The following DCAF4 variants were observed in gnomAD, a reference collection of about 807,000 sequenced individuals.
DCAF4 encodes the protein DDB1- and CUL4-associated factor 4.
A neutral mutation model predicts 60.9 loss-of-function variants in DCAF4; 37 were observed. The ratio of observed to expected loss-of-function variants is 0.61; its 90% confidence interval spans 0.47 to 0.80. DCAF4 has a LOEUF of 0.80. Among genes scored for constraint, DCAF4 ranks in the 30% least tolerant of loss-of-function variants. The pLI, the probability that DCAF4 is intolerant of heterozygous loss-of-function variation, is 0.00. For missense variants in DCAF4, 577 were observed against 650.0 expected (o/e 0.89, Z 1.22); for synonymous variants, 243 against 254.8 (o/e 0.95, Z 0.44).
chr14:72,943,079 C>T lies in DCAF4; in HGVS notation c.517C>T (p.Arg173Ter). The T allele has an allele frequency of 6.8e-6, 11 of 1,614,140 alleles. No individual in the cohort carries two copies. Among genetic ancestry groups the T allele is most frequent in the Non-Finnish European group, 9.3e-6 (11 of 1,180,006 alleles). The change falls in exon 6 of 14, where the codon CGA becomes TGA. Residue 173 changes from arginine (R) to a stop codon, truncating the protein, a stop_gained. Coordinates refer to ENST00000358377, the MANE Select transcript of DCAF4 (RefSeq NM_015604.4). LOFTEE classifies it high-confidence loss of function. Reference protein sequence around the residue: ...SMDPSALASDRFNLILADTNS... With the variant: ...SMDPSALASD Reference sequence around the variant, plus strand: ...GGATCCCTCCGCCTTGGCAAGCGACCGATTTAACCTCATACTGGTGAGTGG... The same window carrying T: ...GGATCCCTCCGCCTTGGCAAGCGACTGATTTAACCTCATACTGGTGAGTGG...
chr14:72,961,675 C>T (rs140196877), downstream of DCAF4, among the ~76,000 whole-genome samples: 470 of 152,322 alleles, frequency 3.1e-3, 2 homozygotes, highest in African/African-American at 0.011. Flanking sequence ...TCAACCTCAC[C>T]AGCCCTTGGC....
chr14:72,937,153 A>G (rs1345890439), intron 1 of DCAF4, among the ~76,000 whole-genome samples: 1 of 152,208 alleles, frequency 6.6e-6, no homozygotes, highest in African/African-American at 2.4e-5. Context: ...GAAATGGAAC[A>G]CTTACAAATG....
At chr14:72,951,960 C>T in intron 9 of DCAF4, 83 bp downstream of exon 9, 1 of 1,434,002 alleles carries the variant, frequency 7.0e-7, no homozygotes, top group Non-Finnish European at 9.8e-7. Context: ...AAGTATGGGG[C>T]CGCTGCAGAG....
In DCAF4 at chr14:72,955,608, C is replaced by T; in HGVS notation, c.1091C>T (p.Ala364Val). ...RCGNQGKGWK[A>V]TRLFHDSAVT... ...GGAAATCAAGGCAAGGGATGGAAGG[C>T]CACCCGCCTGTTTCATGATTCAGCA... Residue 364 changes from alanine (A) to valine (V), a missense_variant, in exon 12 of 14, where the codon GCC becomes GTC. Ala to Val is a moderately conservative substitution (Grantham distance 64, BLOSUM62 0). Coordinates refer to ENST00000358377, the MANE Select transcript of DCAF4 (RefSeq NM_015604.4). 2 of 1,614,174 alleles carry T rather than the reference C, an allele frequency of 1.2e-6. No homozygotes were observed. The highest frequency in any genetic ancestry group is 1.7e-6 in the Non-Finnish European group (2 of 1,180,010).
intron 2 of DCAF4, among the ~76,000 whole-genome samples, 173 bp from the exon 3 acceptor site, chr14:72,939,629 C>A (rs1889753990): frequency 6.6e-6 from 1 of 152,186 alleles, no homozygotes; most frequent in Non-Finnish European, 1.5e-5. Flanking sequence ...AAAACCAAAA[C>A]CTTGCCCTAT....
Position 72,929,707 on chromosome 14 carries a change from T to C in DCAF4, c.-9+3164T>C, listed in dbSNP as rs941373832. 17 of 1,268,612 alleles carry C rather than the reference T, an allele frequency of 1.3e-5. No homozygotes were observed. In the Admixed American group the frequency reaches 1.7e-4, roughly 13 times the overall value. 78.6% of individuals were successfully genotyped at this position (1,268,612 alleles called of 1,614,324 possible). ...GCACGGATGTGCGTCCCCACCCTTT[T>C]CTTGATGAACTTGAGGGCCCATTTC... On this transcript the variant is annotated intron_variant, in intron 1 of 13. Coordinates refer to ENST00000358377, the MANE Select transcript of DCAF4 (RefSeq NM_015604.4).
At position 72,947,904 on chromosome 14, in the gene DCAF4, G is replaced by C. The variant is rs116658044; in HGVS notation, c.728+713G>C. ...TGGTCCCTGGCCTCTGGGACCCTTG[G>C]GGGCTGTTGATATGGCACAAGACTT... On this transcript the variant is annotated intron_variant, in intron 8 of 13. Transcript: ENST00000358377. Among the ~76,000 whole-genome samples the C allele has an allele frequency of 7.6e-3, 1,161 of 152,270 alleles. 14 individuals carry two copies. The highest frequency in any genetic ancestry group is 0.027 in the African/African-American group (1,102 of 41,546).
chr14:72,940,467 CT>C (rs1352436730), intron 4 of DCAF4, 90 bp downstream of exon 4: 107 of 1,382,690 alleles, frequency 7.7e-5, no homozygotes, highest in Admixed American at 5.8e-5. Flanking sequence ...TTAGATGCCC[CT>C]GCGACACTTA....
downstream of DCAF4, among the ~76,000 whole-genome samples, chr14:72,960,154 CA>C (rs1343202705): frequency 1.6e-5 from 2 of 127,182 alleles, no homozygotes; most frequent in African/African-American, 5.4e-5. Flanking sequence ...TATAAAGAAC[CA>C]AATTTTTTTT....
intron 6 of DCAF4, among the ~76,000 whole-genome samples, chr14:72,945,463 T>G (rs76201553): frequency 0.052 from 7,431 of 143,242 alleles, 271 homozygotes; most frequent in East Asian, 0.19. Flanking sequence ...GCAATTTTTT[T>G]TTCATGGTGG....
chr14:72,927,443 C>G (rs1485911723), intron 1 of DCAF4, among the ~76,000 whole-genome samples: 1 of 150,704 alleles, frequency 6.6e-6, no homozygotes, highest in Non-Finnish European at 1.5e-5. Context: ...CCTCCGCCCC[C>G]GGGGTTCACG....
At position 72,956,400 on chromosome 14, in the gene DCAF4, C is replaced by A; in HGVS notation, c.1194C>A (p.Asp398Glu). ...TTTTTCCACAGATCAAGCTGTGGGA[C>A]CTGAGGACCACGAAGTGCGTAAGGC... ...SDMAGKIKLW[D>E]LRTTKCVRQY... The change falls in exon 13 of 14, where the codon GAC becomes GAA. Residue 398 changes from aspartate (D) to glutamate (E), a missense_variant. Transcript: ENST00000358377. The A allele has an allele frequency of 6.2e-7, 1 of 1,609,664 alleles. No individual in the cohort carries two copies. Among genetic ancestry groups the A allele is most frequent in the Non-Finnish European group, 8.5e-7 (1 of 1,177,722 alleles).
rs181020061 is a variant in DCAF4 at position 72,936,840 on chromosome 14, A to G, written c.-8-1131A>G. ...TCTAGGACAGAACAATGGAAAGCAC[A>G]TACAGGGTGTGTGACCCAGGAGAAA... On this transcript the variant is annotated intron_variant, in intron 1 of 13. Coordinates refer to ENST00000358377, the MANE Select transcript of DCAF4 (RefSeq NM_015604.4). 2.6e-5 allele frequency among the ~76,000 whole-genome samples: 4 copies of G among 152,362 alleles called. No homozygotes were observed. In the East Asian group the frequency reaches 5.8e-4, roughly 22 times the overall value.
At chr14:72,929,695 TC>T in intron 1 of DCAF4, 1 of 1,295,754 alleles carries the variant, frequency 7.7e-7, no homozygotes, top group Non-Finnish European at 1.1e-6. Context: ...CGGATGTGCG[TC>T]CCCACCCTTT....
chr14:72,939,476 G>A (rs911938909), intron 2 of DCAF4, among the ~76,000 whole-genome samples: 6 of 152,192 alleles, frequency 3.9e-5, no homozygotes, highest in Admixed American at 1.3e-4. Context: ...AGCCCAGCTG[G>A]TAAAATTCTT....
chr14:72,954,851 G>A (rs1892060495), intron 11 of DCAF4, among the ~76,000 whole-genome samples: 1 of 152,118 alleles, frequency 6.6e-6, no homozygotes. Context: ...AGTGGCTAAT[G>A]AATGGCTGTA....
intron 1 of DCAF4, among the ~76,000 whole-genome samples, chr14:72,936,053 G>A (rs1006188918): frequency 6.6e-6 from 1 of 152,134 alleles, no homozygotes; most frequent in African/African-American, 2.4e-5. Flanking sequence ...TCCCAAAAGT[G>A]CTGGGATTAC....
intron 1 of DCAF4, among the ~76,000 whole-genome samples, chr14:72,927,334 G>C (rs1416590070): frequency 7.0e-6 from 1 of 142,638 alleles, no homozygotes; most frequent in Non-Finnish European, 1.5e-5. Context: ...TTAGAGTCGC[G>C]GTGGTGTTCT....
intron 1 of DCAF4, among the ~76,000 whole-genome samples, chr14:72,936,225 C>G (rs12892806): frequency 0.44 from 67,592 of 152,078 alleles, 15,248 homozygotes; most frequent in South Asian, 0.51. Context: ...ATAGGGAAAC[C>G]CACACATGGT....
Sources: gnomAD v4.1 joint callset for allele counts (sites outside exome capture counted in the v4.1 genomes callset) on GRCh38, gnomAD v4.1.1 for gene constraint, MANE v1.5 for transcripts, NCBI Gene and HGNC (gene_info 2026-07-23, HGNC 2026-07-21) for gene names.